CDH13: variants seen among roughly 807,000 people sequenced by gnomAD.
CDH13 encodes cadherin-13.
A neutral mutation model predicts 63.8 loss-of-function variants in CDH13; 24 were observed. The ratio of observed to expected loss-of-function variants is 0.38; its 90% CI spans 0.27 to 0.53. The LOEUF is 0.53. CDH13 is among the 20% of genes least tolerant of loss of function. CDH13 has a pLI of 0.85. For synonymous variants in CDH13, 503 were observed against 355.3 expected (o/e 1.42, Z -4.67); for missense variants, 1,049 against 903.1 (o/e 1.16, Z -2.07).
intron 2 of CDH13, among the ~76,000 whole-genome samples, chr16:83,000,560 CTT>C (rs1463353725): frequency 2.9e-5 from 4 of 140,186 alleles, no homozygotes; most frequent in Admixed American, 2.8e-4. Context: ...AAGGTTGTCT[CTT>C]TTTTCTTTTC....
At chr16:83,458,572 C>G (rs72808308) in intron 6 of CDH13, among the ~76,000 whole-genome samples, 43,045 of 152,192 alleles carry the variant, frequency 0.28, 6,282 homozygotes, top group African/African-American at 0.36. Flanking sequence ...TTGTGGTCAT[C>G]TTTCCATGAC....
intron 7 of CDH13, among the ~76,000 whole-genome samples, chr16:83,538,742 G>T (rs1176955599): frequency 3.9e-5 from 6 of 152,130 alleles, no homozygotes; most frequent in Non-Finnish European, 7.4e-5. Context: ...AGGAATAATT[G>T]TCCAGTTAGA....
chr16:82,785,970 G>C (rs985980585), intron 1 of CDH13, among the ~76,000 whole-genome samples: 14 of 152,138 alleles, frequency 9.2e-5, no homozygotes, highest in Non-Finnish European at 1.5e-5. Context: ...TTCCCCTGTT[G>C]GCTAGGGTTA....
intron 6 of CDH13, among the ~76,000 whole-genome samples, chr16:83,377,752 G>A (rs2091484732): frequency 6.6e-6 from 1 of 152,106 alleles, no homozygotes; most frequent in African/African-American, 2.4e-5. Flanking sequence ...CCATGTTTTG[G>A]GAGTCAATAG....
intron 1 of CDH13, among the ~76,000 whole-genome samples, chr16:82,730,915 T>A (rs1329557629): frequency 6.6e-6 from 1 of 152,246 alleles, no homozygotes; most frequent in Non-Finnish European, 1.5e-5. Flanking sequence ...AATTAAGTTA[T>A]ATTAAAAGAA....
In CDH13 at chr16:83,408,005, C is replaced by T. The variant is rs536018249; in HGVS notation, c.781+62999C>T. On this transcript the variant is annotated intron_variant, in intron 6 of 13. Coordinates refer to ENST00000567109, the MANE Select transcript of CDH13 (RefSeq NM_001257.5). ...TCCTTGGGTCATCTCTCAGGTGTCA[C>T]CACCCTGCTAGCATCTTAATGGAGC... Among the ~76,000 whole-genome samples the T allele has an allele frequency of 2.6e-5, 4 of 152,266 alleles. No individual in the cohort carries two copies. The East Asian group carries it at 5.8e-4, about 22-fold the overall frequency.
chr16:82,640,797 T>C (rs145303224), intron 1 of CDH13, among the ~76,000 whole-genome samples: 46 of 152,362 alleles, frequency 3.0e-4, no homozygotes, highest in African/African-American at 1.1e-3. Context: ...AAGATGCTAA[T>C]AGTCAACTAT....
At chr16:83,033,818 A>G (rs1916603180) in intron 3 of CDH13, among the ~76,000 whole-genome samples, 1 of 152,218 alleles carries the variant, frequency 6.6e-6, no homozygotes, top group African/African-American at 2.4e-5. Context: ...GCAGGATTCC[A>G]GCCAAACAAT....
intron 10 of CDH13, among the ~76,000 whole-genome samples, chr16:83,718,389 T>C (rs977608314): frequency 6.6e-6 from 1 of 152,214 alleles, no homozygotes; most frequent in African/African-American, 2.4e-5. Context: ...GTATGGTTTA[T>C]TGCAAAGCAA....
chr16:83,509,942 C>T (rs900498987), intron 7 of CDH13, among the ~76,000 whole-genome samples: 1 of 152,122 alleles, frequency 6.6e-6, no homozygotes, highest in African/African-American at 2.4e-5. Context: ...GGCAAGACCC[C>T]GGACAGAGGA....
At chr16:83,288,184 G>A (rs1411950644) in intron 5 of CDH13, among the ~76,000 whole-genome samples, 3 of 152,210 alleles carry the variant, frequency 2.0e-5, no homozygotes, top group Non-Finnish European at 2.9e-5. Flanking sequence ...CCTTTGAGAT[G>A]GTGCAGAAAG....
intron 7 of CDH13, among the ~76,000 whole-genome samples, chr16:83,532,881 C>G (rs554340948): frequency 6.6e-6 from 1 of 152,314 alleles, no homozygotes; most frequent in East Asian, 1.9e-4. Flanking sequence ...TTCAGCAGTG[C>G]CACGGGAGAG....
At chr16:83,540,716 T>C (rs2075282733) in intron 7 of CDH13, among the ~76,000 whole-genome samples, 1 of 152,214 alleles carries the variant, frequency 6.6e-6, no homozygotes, top group South Asian at 2.1e-4. Flanking sequence ...GTAGTAACTG[T>C]TGTAGTGACT....
In CDH13 at chr16:83,741,867, G is replaced by C. The variant is rs140444034; in HGVS notation, c.1539-6241G>C. On this transcript the variant is annotated intron_variant, in intron 10 of 13. Coordinates refer to ENST00000567109, the MANE Select transcript of CDH13 (RefSeq NM_001257.5). ...TTGTTATTGGAGCACAAATCCTATT[G>C]TGAACTGCACACACAAGGGATCTAG... 5.1e-3 allele frequency among the ~76,000 whole-genome samples: 776 copies of C among 152,234 alleles called. 7 individuals carry two copies. The highest frequency in any genetic ancestry group is 0.015 in the African/African-American group (627 of 41,530).
At chr16:83,678,709 C>G (rs971004038) in intron 10 of CDH13, among the ~76,000 whole-genome samples, 4 of 152,130 alleles carry the variant, frequency 2.6e-5, no homozygotes, top group African/African-American at 9.7e-5. Flanking sequence ...TGCTGTGTTC[C>G]CAAATGACCA....
In CDH13 at chr16:82,742,236, G is replaced by A. The variant is rs181533083; in HGVS notation, c.45+115099G>A. On this transcript the variant is annotated intron_variant, in intron 1 of 13. Coordinates refer to ENST00000567109, the MANE Select transcript of CDH13 (RefSeq NM_001257.5). ...TTACATCCCATGTACGCCAAAAACT[G>A]AATTTGAAAGAAATACAGGAAAATA... Among the ~76,000 whole-genome samples, 22 of 152,188 alleles carry A rather than the reference G, an allele frequency of 1.4e-4. No homozygotes were observed. In the East Asian group the frequency reaches 2.7e-3, roughly 19 times the overall value.
At chr16:83,272,986 A>G (rs574479939) in intron 5 of CDH13, among the ~76,000 whole-genome samples, 5 of 151,534 alleles carry the variant, frequency 3.3e-5, no homozygotes, top group African/African-American at 1.2e-4. Context: ...ATCTGCTCAG[A>G]TAACCCAATC....
intron 1 of CDH13, among the ~76,000 whole-genome samples, chr16:82,771,471 A>T (rs562544065): frequency 6.6e-6 from 1 of 152,274 alleles, no homozygotes; most frequent in African/African-American, 2.4e-5. Context: ...CAATTAATCT[A>T]TTCTGCCGTC....
rs115405967 is a variant in CDH13 at position 83,466,335 on chromosome 16, G to A, written c.782-20142G>A. 6.4e-3 allele frequency among the ~76,000 whole-genome samples: 977 copies of A among 152,238 alleles called. 11 individuals carry two copies. The highest frequency in any genetic ancestry group is 0.023 in the African/African-American group (943 of 41,534). ...AAGGAGGCATGGGGTTTTATTAGGGGCTTACATCCAGGCAAGAGAGTCTAG... is the reference window on the plus strand; with the variant it reads ...AAGGAGGCATGGGGTTTTATTAGGGACTTACATCCAGGCAAGAGAGTCTAG... On this transcript the variant is annotated intron_variant, in intron 6 of 13. Coordinates refer to ENST00000567109, the MANE Select transcript of CDH13 (RefSeq NM_001257.5).
Sources: allele counts gnomAD v4.1 joint callset (sites outside exome capture counted in the v4.1 genomes callset), GRCh38; gene constraint gnomAD v4.1.1; transcripts MANE v1.5; gene names NCBI Gene and HGNC (gene_info 2026-07-23, HGNC 2026-07-21).